Variants in SLC25A48 observed in about 807,000 individuals in gnomAD.
SLC25A48 encodes the protein solute carrier family 25 member 48, also known as CTC-321K16.1.
SLC25A48 carries 29 observed loss-of-function variants against 32.2 expected under a neutral mutation model. That is an observed-to-expected ratio of 0.90 (90% CI 0.67 to 1.23). SLC25A48 has a LOEUF of 1.23. SLC25A48 is among the 50% of genes most tolerant of loss of function. The probability of loss-of-function intolerance (pLI) is 0.00; values close to 1 mark genes in which losing one functional copy is unlikely to be tolerated. For synonymous variants in SLC25A48, 164 were observed against 172.3 expected (o/e 0.95, Z 0.38); for missense variants, 399 against 422.7 (o/e 0.94, Z 0.49).
chr5:135,593,871 T>A (rs1400429028), intron 1 of SLC25A48, among the ~76,000 whole-genome samples: 2 of 152,148 alleles, frequency 1.3e-5, no homozygotes, highest in Non-Finnish European at 2.9e-5. Context: ...CTTTGTGGAG[T>A]CATAGCTGGG....
chr5:135,613,753 A>G (rs1204187526), intron 1 of SLC25A48, among the ~76,000 whole-genome samples: 1 of 152,148 alleles, frequency 6.6e-6, no homozygotes, highest in Non-Finnish European at 1.5e-5. Context: ...TTGACTGTAA[A>G]TACATGGGTT....
At chr5:135,598,542 C>T (rs1465903334) in intron 1 of SLC25A48, among the ~76,000 whole-genome samples, 1 of 152,110 alleles carries the variant, frequency 6.6e-6, no homozygotes, top group Non-Finnish European at 1.5e-5. Context: ...GGCTGGCTAC[C>T]CTGCAGACTG....
chr5:135,679,479 G>A (rs1298296554), intron 3 of SLC25A48, among the ~76,000 whole-genome samples: 1 of 152,152 alleles, frequency 6.6e-6, no homozygotes, highest in Non-Finnish European at 1.5e-5. Context: ...GGAGAGCAAG[G>A]TTACTTTGGT....
chr5:135,795,713 C>A (rs1313004784), intron 3 of SLC25A48, among the ~76,000 whole-genome samples: 1 of 151,346 alleles, frequency 6.6e-6, no homozygotes. Flanking sequence ...GGGAAGTCTA[C>A]ACTTTCAGGT....
chr5:135,695,101 G>A (rs1238081425), intron 3 of SLC25A48, among the ~76,000 whole-genome samples: 5 of 152,222 alleles, frequency 3.3e-5, no homozygotes, highest in African/African-American at 7.2e-5. Flanking sequence ...GGGCAGCTGC[G>A]CTAGCTGGTC....
intron 3 of SLC25A48, among the ~76,000 whole-genome samples, chr5:135,799,874 A>C (rs546660702): frequency 1.3e-4 from 19 of 151,858 alleles, no homozygotes; most frequent in African/African-American, 4.3e-4. Flanking sequence ...CCTAATATCC[A>C]GGGGAAAATA....
At chr5:135,673,925 T>TC (rs1377010097) in intron 3 of SLC25A48, among the ~76,000 whole-genome samples, 28 of 150,824 alleles carry the variant, frequency 1.9e-4, no homozygotes, top group South Asian at 1.0e-3. Flanking sequence ...GGCTTTTTTT[T>TC]CCCCCCCATG....
At chr5:135,636,294 C>T (rs1396943491) in intron 3 of SLC25A48, among the ~76,000 whole-genome samples, 1 of 152,066 alleles carries the variant, frequency 6.6e-6, no homozygotes, top group East Asian at 1.9e-4. Context: ...CTTGGTGGCT[C>T]ACTGTTTAAT....
At chr5:135,883,167 G>T in intron 7 of SLC25A48, 1 of 985,492 alleles carries the variant, frequency 1.0e-6, no homozygotes, top group African/African-American at 1.7e-5. Flanking sequence ...AGCCAGGCAG[G>T]CTGTCCTCAG....
intron 3 of SLC25A48, among the ~76,000 whole-genome samples, chr5:135,767,980 C>T (rs1440733390): frequency 6.8e-6 from 1 of 145,988 alleles, no homozygotes; most frequent in Non-Finnish European, 1.5e-5. Flanking sequence ...GATAATATTA[C>T]TCCCAATATC....
chr5:135,679,724 C>T (rs963977961), intron 3 of SLC25A48, among the ~76,000 whole-genome samples: 5 of 152,078 alleles, frequency 3.3e-5, no homozygotes, highest in African/African-American at 4.8e-5. Flanking sequence ...GCTGTGGGCT[C>T]GGAAGGTCAA....
At chr5:135,837,505 G>T (rs1561520271) in intron 1 of SLC25A48, among the ~76,000 whole-genome samples, 1 of 152,152 alleles carries the variant, frequency 6.6e-6, no homozygotes, top group South Asian at 2.1e-4. Flanking sequence ...CTGCAACAAG[G>T]CTGATACGGT....
At chr5:135,770,084 C>G (rs1756364351) in intron 3 of SLC25A48, among the ~76,000 whole-genome samples, 1 of 121,202 alleles carries the variant, frequency 8.3e-6, no homozygotes, top group South Asian at 2.7e-4. Flanking sequence ...TTCCTAATAG[C>G]CGGGGGGGAG....
intron 3 of SLC25A48, among the ~76,000 whole-genome samples, chr5:135,710,269 A>C (rs1047403159): frequency 1.3e-5 from 2 of 152,248 alleles, no homozygotes; most frequent in African/African-American, 4.8e-5. Flanking sequence ...TAGCTGATGC[A>C]GGAAATGGGA....
chr5:135,668,272 A>T (rs1467575723), intron 3 of SLC25A48, among the ~76,000 whole-genome samples: 1 of 152,242 alleles, frequency 6.6e-6, no homozygotes, highest in Non-Finnish European at 1.5e-5. Context: ...GAAGTTTAAG[A>T]CTTATGGATC....
rs1184683636 is a variant in SLC25A48 at position 135,874,030 on chromosome 5, C to G, written c.689C>G (p.Ser230Cys). 2.6e-6 allele frequency: 4 copies of G among 1,532,874 alleles called. No individual in the cohort carries two copies. Among genetic ancestry groups the G allele is most frequent in the Non-Finnish European group, 3.5e-6 (4 of 1,145,806 alleles). The allele number at this position is 1,532,874 out of a possible 1,614,324, so 95.0% of individuals were successfully genotyped here. ...WLAGGMAGAI[S>C]WGTATPMDVV... is the part of the protein sequence containing the mutation. ...TTCTTTCTCTTTGCAGGAGCAATTT[C>G]TTGGGGGACAGCGACTCCTATGGAT... The change falls in exon 6 of 8, where the codon TCT becomes TGT. Residue 230 changes from serine to cysteine, a missense_variant. By Grantham distance (112) the Ser-to-Cys change is moderately radical (BLOSUM62 -1). Transcript: ENST00000681962.
chr5:135,855,415 C>T (rs942718245), intron 4 of SLC25A48, among the ~76,000 whole-genome samples: 1 of 152,146 alleles, frequency 6.6e-6, no homozygotes, highest in Non-Finnish European at 1.5e-5. Flanking sequence ...AGGACCTTTG[C>T]ATATGTTCTC....
rs1756739009 is a variant in SLC25A48, at chr5:135,782,507, G to A, written c.-520-30016G>A. On this transcript the variant is annotated intron_variant, in intron 3 of 10. Coordinates refer to the SLC25A48 transcript ENST00000646290. ...TGCAGGGTGTGTACAACATCCCTGA[G>A]ATTTTATTCCTAATATCCAGGGAAG... Among the ~76,000 whole-genome samples the A allele has an allele frequency of 5.1e-5, 6 of 116,730 alleles. 2 individuals carry two copies. In the South Asian group the frequency reaches 1.5e-3, roughly 29 times the overall value. 76.6% of individuals were successfully genotyped at this position (116,730 alleles called of 152,430 possible). A position where few individuals can be genotyped will look rare whatever the true frequency, so the allele number is the denominator to read the frequency against.
chr5:135,857,775 C>A (rs1379635652), intron 4 of SLC25A48, among the ~76,000 whole-genome samples: 3 of 152,160 alleles, frequency 2.0e-5, no homozygotes, highest in African/African-American at 7.2e-5. Flanking sequence ...GAGGTCAGGG[C>A]TGTGCACCTG....
Sources: allele counts gnomAD v4.1 joint callset (sites outside exome capture counted in the v4.1 genomes callset), GRCh38; gene constraint gnomAD v4.1.1; transcripts MANE v1.5; gene names NCBI Gene and HGNC (gene_info 2026-07-23, HGNC 2026-07-21).